RBFOX1: variants seen among roughly 807,000 people sequenced by gnomAD.
RBFOX1 encodes RNA binding fox-1 homolog 1.
RBFOX1 carries 8 observed loss-of-function variants against 57.7 expected under a neutral mutation model. The observed-to-expected ratio is 0.14, with a 90% CI of 0.08 to 0.25. The LOEUF (loss-of-function observed/expected upper bound fraction) is 0.25, where lower values mean the gene tolerates loss of function less well. Among genes scored for constraint, RBFOX1 ranks in the 10% least tolerant of loss-of-function variants. The pLI is 1.00. For missense variants in RBFOX1, 611 were observed against 548.5 expected, an observed-to-expected ratio of 1.11 and a Z score of -1.14; for synonymous variants, 326 against 222.4, an observed-to-expected ratio of 1.47 and a Z score of -4.15.
At chr16:6,187,913 C>G (rs2097115497) in intron 1 of RBFOX1, among the ~76,000 whole-genome samples, 1 of 152,160 alleles carries the variant, frequency 6.6e-6, no homozygotes, top group Non-Finnish European at 1.5e-5. Context: ...AACTGTTTTG[C>G]ACATGTGCGT....
intron 4 of RBFOX1, among the ~76,000 whole-genome samples, chr16:7,254,233 G>A (rs1251346085): frequency 2.0e-5 from 3 of 152,142 alleles, no homozygotes; most frequent in Non-Finnish European, 2.9e-5. Context: ...ATCCCAGAAG[G>A]AGCTGTTTGG....
At chr16:5,793,735 A>C (rs1283811601) in intron 3 of RBFOX1, among the ~76,000 whole-genome samples, 2 of 152,100 alleles carry the variant, frequency 1.3e-5, no homozygotes, top group Non-Finnish European at 2.9e-5. Flanking sequence ...ATCTATGTAC[A>C]TGTGCCTTCG....
At chr16:6,473,760 A>T (rs2095228994) in intron 2 of RBFOX1, among the ~76,000 whole-genome samples, 1 of 152,188 alleles carries the variant, frequency 6.6e-6, no homozygotes, top group East Asian at 1.9e-4. Context: ...AGCTTCAGAT[A>T]TGGCCTGGCT....
chr16:7,454,364 G>T (rs923572603), intron 4 of RBFOX1, among the ~76,000 whole-genome samples: 1 of 152,166 alleles, frequency 6.6e-6, no homozygotes, highest in Non-Finnish European at 1.5e-5. Flanking sequence ...CCAGTGTCTT[G>T]CCAGATTTTC....
At chr16:6,460,478 G>A (rs771114570) in intron 2 of RBFOX1, among the ~76,000 whole-genome samples, 6 of 151,854 alleles carry the variant, frequency 4.0e-5, no homozygotes, top group Non-Finnish European at 8.8e-5. Flanking sequence ...CATACATGCG[G>A]CCAAACATAT....
At chr16:6,228,197 G>A (rs2152896720) in intron 1 of RBFOX1, among the ~76,000 whole-genome samples, 1 of 152,140 alleles carries the variant, frequency 6.6e-6, no homozygotes, top group East Asian at 1.9e-4. Flanking sequence ...TGTATTCCCA[G>A]CTACTCGGGG....
chr16:7,533,721 T>G (rs753643693), intron 5 of RBFOX1, among the ~76,000 whole-genome samples: 1 of 152,230 alleles, frequency 6.6e-6, no homozygotes, highest in Non-Finnish European at 1.5e-5. Context: ...CAAAGCATGA[T>G]TTCTACTGAA....
chr16:6,027,216 T>C (rs2095213324), intron 1 of RBFOX1, among the ~76,000 whole-genome samples: 1 of 152,178 alleles, frequency 6.6e-6, no homozygotes, highest in African/African-American at 2.4e-5. Context: ...GTGCTAGGGC[T>C]TCCTGTGTGT....
intron 1 of RBFOX1, among the ~76,000 whole-genome samples, chr16:6,045,924 A>G (rs138504863): frequency 6.6e-5 from 10 of 152,330 alleles, no homozygotes; most frequent in African/African-American, 2.2e-4. Flanking sequence ...AGTAGGAAAA[A>G]GATTGATTTA....
chr16:7,183,119 C>G (rs1023614049), intron 4 of RBFOX1, among the ~76,000 whole-genome samples: 1 of 152,040 alleles, frequency 6.6e-6, no homozygotes, highest in Non-Finnish European at 1.5e-5. Context: ...TTGAATTGCC[C>G]CAGCTGGGAT....
At chr16:6,263,642 T>G (rs899249425) in intron 1 of RBFOX1, among the ~76,000 whole-genome samples, 2 of 152,240 alleles carry the variant, frequency 1.3e-5, no homozygotes, top group Non-Finnish European at 2.9e-5. Flanking sequence ...GCTTAGAGCT[T>G]CTGCTAGTGT....
intron 1 of RBFOX1, among the ~76,000 whole-genome samples, chr16:6,056,358 T>G (rs8055878): frequency 6.6e-6 from 1 of 152,292 alleles, no homozygotes; most frequent in African/African-American, 2.4e-5. Context: ...TTGAATGAAC[T>G]GATGAGTGTA....
At chr16:5,523,180 G>T (rs1335445699) in intron 2 of RBFOX1, among the ~76,000 whole-genome samples, 1 of 152,142 alleles carries the variant, frequency 6.6e-6, no homozygotes, top group Non-Finnish European at 1.5e-5. Flanking sequence ...CAGCTACTCG[G>T]GAGGCTGAGG....
intron 4 of RBFOX1, among the ~76,000 whole-genome samples, chr16:7,227,004 T>A (rs2093166422): frequency 6.6e-6 from 1 of 152,164 alleles, no homozygotes; most frequent in Non-Finnish European, 1.5e-5. Context: ...GGATAAAAAA[T>A]GGCTAAAGTT....
intron 2 of RBFOX1, among the ~76,000 whole-genome samples, chr16:5,506,973 C>T (rs558641636): frequency 1.3e-5 from 2 of 152,094 alleles, no homozygotes; most frequent in Non-Finnish European, 2.9e-5. Flanking sequence ...TCAGAGACCA[C>T]CAGATCTCAA....
intron 4 of RBFOX1, among the ~76,000 whole-genome samples, chr16:7,421,952 T>C (rs753757539): frequency 2.7e-4 from 41 of 152,164 alleles, no homozygotes; most frequent in Non-Finnish European, 2.8e-4. Flanking sequence ...GCCCAGTCCC[T>C]AAAGCCATAT....
In RBFOX1 at chr16:5,653,149, G is replaced by C. The variant is rs564287427; in HGVS notation, c.318+54188G>C. Among the ~76,000 whole-genome samples, 897 of 152,078 alleles carry C rather than the reference G, an allele frequency of 5.9e-3. 3 individuals are homozygous for C. Among genetic ancestry groups the C allele is most frequent in the African/African-American group, 0.02 (841 of 41,356 alleles). ...GCTGAGCCGTGTGCTGGCCTTCTGT[G>C]CGGAAGGTGGGGTGCGGAACCGTGT... On this transcript the variant is annotated intron_variant, in intron 3 of 19. Coordinates refer to the RBFOX1 transcript ENST00000641259.
At chr16:7,267,371 C>T (rs1156457709) in intron 4 of RBFOX1, among the ~76,000 whole-genome samples, 1 of 151,562 alleles carries the variant, frequency 6.6e-6, no homozygotes, top group Non-Finnish European at 1.5e-5. Flanking sequence ...CCCGTCTCTA[C>T]TAAAAATATA....
chr16:6,843,117 ATTG>A (rs1339274484), intron 3 of RBFOX1, among the ~76,000 whole-genome samples: 3 of 152,016 alleles, frequency 2.0e-5, no homozygotes, highest in South Asian at 2.1e-4. Context: ...GTTGTTTCTT[ATTG>A]TTGTTGTTTT....
Sources: allele counts gnomAD v4.1 joint callset (sites outside exome capture counted in the v4.1 genomes callset), GRCh38; gene constraint gnomAD v4.1.1; transcripts MANE v1.5; gene names NCBI Gene and HGNC (gene_info 2026-07-23, HGNC 2026-07-21).